The following WDR82 variants were observed in gnomAD, a reference collection of about 807,000 sequenced individuals.
WDR82 encodes WD repeat domain 82, also known as WD repeat-containing protein 82.
A neutral mutation model predicts 36.1 loss-of-function variants in WDR82; 8 were observed. The ratio of observed to expected loss-of-function variants is 0.22; its 90% CI spans 0.13 to 0.40. The LOEUF (loss-of-function observed/expected upper bound fraction) is 0.40. Ranked by LOEUF, WDR82 falls within the 10% of genes least tolerant of loss-of-function variation. The pLI is 1.00. For synonymous variants in WDR82, 129 were observed against 137.8 expected (o/e 0.94, Z 0.45); for missense variants, 185 against 400.5 (o/e 0.46, Z 4.59).
chr3:52,273,708 C>T (rs563987167), intron 1 of WDR82, among the ~76,000 whole-genome samples: 3 of 152,160 alleles, frequency 2.0e-5, no homozygotes, highest in Non-Finnish European at 4.4e-5. Flanking sequence ...GCAACCTCTG[C>T]GTCCCCGGTT....
rs1700146264 is a variant in WDR82, at chr3:52,270,758, G to A, written c.213C>T (p.Tyr71=). Residue 71 remains tyrosine (Y), a synonymous_variant, in exon 2 of 9, where the codon TAC becomes TAT. Coordinates refer to ENST00000296490, the MANE Select transcript of WDR82 (RefSeq NM_025222.4). ...SKKYGVDLIR[Y]THAANTVVYS... is the part of the protein sequence containing the mutation. Reference sequence around the variant, plus strand: ...AAACAACTGTGTTTGCTGCATGAGTGTATCTGATGAGGTCCACACCATATT... The same window carrying A: ...AAACAACTGTGTTTGCTGCATGAGTATATCTGATGAGGTCCACACCATATT... 1.2e-6 allele frequency: 2 copies of A among 1,613,350 alleles called. No homozygotes were observed. The highest frequency in any genetic ancestry group is 3.3e-5 in the Admixed American group (2 of 59,834).
chr3:52,275,514 TGTA>T (rs533756658), intron 1 of WDR82, among the ~76,000 whole-genome samples: 4 of 152,220 alleles, frequency 2.6e-5, no homozygotes, highest in Non-Finnish European at 5.9e-5. Context: ...GAGCATGCCC[TGTA>T]GTATTGTATC....
Position 52,278,184 on chromosome 3 carries a change from G to T in WDR82, c.161+17C>A. The T allele has an allele frequency of 6.3e-7, 1 of 1,584,046 alleles. No individual in the cohort carries two copies. Among genetic ancestry groups the T allele is most frequent in the South Asian group, 1.1e-5 (1 of 88,720 alleles). ...GGAGGCACTGAGACTCGGGCCCAGG[G>T]CCTCCGCCGCACTCACTTGCCCTCC... On this transcript the variant is annotated intron_variant, in intron 1 of 8. Transcript: ENST00000296490.
In WDR82 at chr3:52,260,517, T is replaced by G; in HGVS notation, c.427-16A>C. 6.5e-7 allele frequency: 1 copy of G among 1,529,582 alleles called. No individual in the cohort carries two copies. The highest frequency in any genetic ancestry group is 8.8e-7 in the Non-Finnish European group (1 of 1,139,080). The allele number at this position is 1,529,582 out of a possible 1,614,324, so 94.8% of individuals were successfully genotyped here. A position where few individuals can be genotyped will look rare whatever the true frequency, so the allele number is the denominator to read the frequency against. On this transcript the variant is annotated splice_polypyrimidine_tract_variant and intron_variant, in intron 4 of 8. Coordinates refer to ENST00000296490, the MANE Select transcript of WDR82 (RefSeq NM_025222.4). ...GCATGAGGCCCTAAGAGAAAAGAAA[T>G]AAGAAATACACTAAAACACACATGC...
chr3:52,276,234 G>A (rs1454705822), intron 1 of WDR82, among the ~76,000 whole-genome samples: 1 of 152,122 alleles, frequency 6.6e-6, no homozygotes, highest in Non-Finnish European at 1.5e-5. Flanking sequence ...AGGAGTTCAA[G>A]ACCAGTCTGG....
chr3:52,278,176 G>A, intron 1 of WDR82, 25 bp downstream of exon 1: 1 of 1,578,010 alleles, frequency 6.3e-7, no homozygotes, highest in South Asian at 1.1e-5. Context: ...CTGAGACTCG[G>A]GCCCAGGGCC....
In WDR82 at chr3:52,278,459, C is replaced by T; in HGVS notation, c.-98G>A. ...GGGGCCAACCCAGGCGGGGCGGGCG[C>T]CGCGCCGGCGGCTAGCGGGAAGTCG... On this transcript the variant is annotated 5_prime_UTR_variant, in exon 1 of 9. Coordinates refer to ENST00000296490, the MANE Select transcript of WDR82 (RefSeq NM_025222.4). The T allele has an allele frequency of 9.3e-7, 1 of 1,080,336 alleles. No homozygotes were observed. Among genetic ancestry groups the T allele is most frequent in the Non-Finnish European group, 1.1e-6 (1 of 869,588 alleles). The allele number at this position is 1,080,336 out of a possible 1,614,324, so 66.9% of individuals were successfully genotyped here.
intron 4 of WDR82, 140 bp from the exon 5 acceptor site, chr3:52,260,641 A>G (rs1007949996): frequency 8.3e-6 from 4 of 484,156 alleles, no homozygotes; most frequent in Non-Finnish European, 1.5e-5. Context: ...TCCCAATTAA[A>G]ACTAAGAAAG....
intron 1 of WDR82, among the ~76,000 whole-genome samples, chr3:52,275,089 C>T (rs1328091532): frequency 5.3e-5 from 8 of 150,366 alleles, no homozygotes; most frequent in African/African-American, 4.9e-5. Context: ...GGTGTGGTGG[C>T]GCATGCCTGT....
intron 4 of WDR82, 48 bp downstream of exon 4, chr3:52,261,332 G>A (rs1183147312): frequency 6.6e-7 from 1 of 1,508,246 alleles, no homozygotes; most frequent in South Asian, 1.2e-5. Context: ...TCATTACAGT[G>A]CCTACCAAAG....
At chr3:52,258,741 G>A (rs1200513394) in intron 7 of WDR82, 63 bp from the exon 8 acceptor site, 25 of 1,607,368 alleles carry the variant, frequency 1.6e-5, no homozygotes, top group East Asian at 2.2e-5. Context: ...AACTGGAAAT[G>A]AGACATGGAT....
chr3:52,259,198 A>C lies in WDR82; in HGVS notation c.768T>G (p.Ile256Met), dbSNP rs1700038432. 2 of 1,613,958 alleles carry C rather than the reference A, an allele frequency of 1.2e-6. No homozygotes were observed. The highest frequency in any genetic ancestry group is 1.3e-5 in the African/African-American group (1 of 74,936). The change falls in exon 7 of 9, where the codon ATT becomes ATG. Residue 256 changes from isoleucine to methionine, a missense_variant and splice_region_variant. Physicochemically the swap from Ile to Met is conservative, Grantham distance 10. Coordinates refer to ENST00000296490, the MANE Select transcript of WDR82 (RefSeq NM_025222.4). Reference protein sequence around the residue: ...SFTPDSQFIMIGSEDGKIHVW... With the variant: ...SFTPDSQFIMMGSEDGKIHVW... ...CACAGGGGATAAAAGGAAACTCACCAATCATAATAAACTGAGAGTCTGGAG... is the reference window on the plus strand; with the variant it reads ...CACAGGGGATAAAAGGAAACTCACCCATCATAATAAACTGAGAGTCTGGAG...
intron 1 of WDR82, among the ~76,000 whole-genome samples, chr3:52,276,625 T>C (rs1029119167): frequency 1.3e-5 from 2 of 152,198 alleles, no homozygotes; most frequent in Non-Finnish European, 2.9e-5. Context: ...ATAAGCACTA[T>C]ACATTTCATG....
At chr3:52,273,750 T>C (rs1202342158) in intron 1 of WDR82, among the ~76,000 whole-genome samples, 1 of 152,148 alleles carries the variant, frequency 6.6e-6, no homozygotes, top group Non-Finnish European at 1.5e-5. Context: ...GCCTCCTGAG[T>C]AGCTGGGATT....
Position 52,258,644 on chromosome 3 carries a change from T to A in WDR82, c.804A>T (p.Gly268=), listed in dbSNP as rs1700032689. 6.2e-7 allele frequency: 1 copy of A among 1,614,102 alleles called. No individual in the cohort carries two copies. The highest frequency in any genetic ancestry group is 8.5e-7 in the Non-Finnish European group (1 of 1,180,046). The change falls in exon 8 of 9, where the codon GGA becomes GGT. Residue 268 remains glycine, a synonymous_variant. Transcript: ENST00000296490. ...SEDGKIHVWN[G]ESGIKVAVLD... is the part of the protein sequence containing the mutation. ...ACACAGCTACTTTTATACCGCTCTC[T>A]CCATTCCAGACATGGATCTTGCCAT...
chr3:52,265,795 T>G (rs1035195138), intron 3 of WDR82, among the ~76,000 whole-genome samples: 1 of 152,054 alleles, frequency 6.6e-6, no homozygotes, highest in Non-Finnish European at 1.5e-5. Context: ...AGCCTGGTTT[T>G]GAACTCCTGC....
intron 8 of WDR82, 88 bp downstream of exon 8, chr3:52,258,448 G>T: frequency 6.8e-7 from 1 of 1,476,920 alleles, no homozygotes; most frequent in South Asian, 1.2e-5. Flanking sequence ...TACCTATGTA[G>T]AACACAGCTT....
intron 2 of WDR82, among the ~76,000 whole-genome samples, chr3:52,269,627 G>A (rs1700135915): frequency 6.6e-6 from 1 of 152,182 alleles, no homozygotes. Context: ...CTACCTGGGA[G>A]GCTGAGGCAG....
intron 2 of WDR82, chr3:52,267,795 G>A (rs1700119052): frequency 1.3e-5 from 2 of 152,654 alleles, no homozygotes; most frequent in South Asian, 4.1e-4. Context: ...TGGCGGTAGA[G>A]AAATGAAGTG....
Sources: gnomAD v4.1 joint callset for allele counts (sites outside exome capture counted in the v4.1 genomes callset) on GRCh38, gnomAD v4.1.1 for gene constraint, MANE v1.5 for transcripts, NCBI Gene and HGNC (gene_info 2026-07-23, HGNC 2026-07-21) for gene names.